Variants in RABGAP1L observed in about 807,000 individuals in gnomAD.
RABGAP1L encodes rab GTPase-activating protein 1-like.
RABGAP1L carries 63 observed loss-of-function variants against 137.7 expected under a neutral mutation model. The observed-to-expected ratio is 0.46, with a 90% confidence interval of 0.37 to 0.56. RABGAP1L has a LOEUF of 0.56. Among genes scored for constraint, RABGAP1L ranks in the 20% least tolerant of loss-of-function variants. The pLI is 0.00. For synonymous variants in RABGAP1L, 431 were observed against 433.7 expected, an observed-to-expected ratio of 0.99 and a Z score of 0.08; for missense variants, 1,095 against 1,244.0, an observed-to-expected ratio of 0.88 and a Z score of 1.80.
rs755558389 is a variant in RABGAP1L at position 174,946,940 on chromosome 1, A to ATGTG, written c.2341-10479_2341-10476dup. On this transcript the variant is annotated intron_variant, in intron 19 of 25. Coordinates refer to ENST00000681986, the MANE Select transcript of RABGAP1L (RefSeq NM_001366446.1). ...AAAATATATATATATATATATATAT[A>ATGTG]TGTGTGTGTGTGTGTGTGTGTGTGT... 3.2e-3 allele frequency among the ~76,000 whole-genome samples: 197 copies of ATGTG among 60,940 alleles called. 1 individual carries two copies. Among genetic ancestry groups the ATGTG allele is most frequent in the East Asian group, 9.1e-3 (12 of 1,314 alleles). The allele number at this position is 60,940 out of a possible 152,430, so 40.0% of individuals were successfully genotyped here.
At chr1:174,905,305 T>A (rs11802711) in intron 19 of RABGAP1L, among the ~76,000 whole-genome samples, 3,823 of 152,016 alleles carry the variant, frequency 0.025, 148 homozygotes, top group African/African-American at 0.086. Context: ...AAGTGATGAT[T>A]TGTAAGATCT....
intron 13 of RABGAP1L, among the ~76,000 whole-genome samples, chr1:174,624,528 A>G (rs1352953416): frequency 6.6e-6 from 1 of 152,216 alleles, no homozygotes; most frequent in East Asian, 1.9e-4. Context: ...AAGTTTTCAT[A>G]TAGACTTGCA....
chr1:174,401,994 A>G (rs892388855), intron 13 of RABGAP1L, among the ~76,000 whole-genome samples: 1 of 152,164 alleles, frequency 6.6e-6, no homozygotes, highest in Non-Finnish European at 1.5e-5. Context: ...TAGACTCTAC[A>G]GTCTAAGTGA....
In RABGAP1L at chr1:174,683,497, T is replaced by G. The variant is rs1454882678; in HGVS notation, c.1825-25T>G. ...TAAAATCTGTGACTATTTACGATAT[T>G]TCTTTCTTTTCATCTTTTCTCTAGG... On this transcript the variant is annotated intron_variant, in intron 14 of 25. Coordinates refer to ENST00000681986, the MANE Select transcript of RABGAP1L (RefSeq NM_001366446.1). 1.9e-6 allele frequency: 3 copies of G among 1,540,380 alleles called. No homozygotes were observed. In the Admixed American group the frequency reaches 5.1e-5, roughly 26 times the overall value.
At chr1:174,420,964 C>T (rs1052679644) in intron 13 of RABGAP1L, among the ~76,000 whole-genome samples, 31 of 152,172 alleles carry the variant, frequency 2.0e-4, no homozygotes, top group African/African-American at 6.3e-4. Flanking sequence ...TGTGAGCCAC[C>T]GCGCCTGGCT....
chr1:174,867,133 A>T (rs1297683779), intron 19 of RABGAP1L, among the ~76,000 whole-genome samples: 1 of 152,110 alleles, frequency 6.6e-6, no homozygotes, highest in East Asian at 1.9e-4. Context: ...CTGTAATCCC[A>T]GCATGTTGGG....
intron 1 of RABGAP1L, among the ~76,000 whole-genome samples, chr1:174,160,434 T>C (rs1664347553): frequency 1.3e-5 from 2 of 152,136 alleles, no homozygotes; most frequent in Non-Finnish European, 2.9e-5. Context: ...GCCGGGTGCA[T>C]GGGAGCTGAA....
chr1:174,828,885 TTTAA>T (rs1691842715), intron 19 of RABGAP1L, among the ~76,000 whole-genome samples: 1 of 148,362 alleles, frequency 6.7e-6, no homozygotes, highest in African/African-American at 2.5e-5. Context: ...GCCTTTTCCA[TTTAA>T]TTAGTAGCTG....
intron 11 of RABGAP1L, among the ~76,000 whole-genome samples, chr1:174,313,277 C>T (rs1679038224): frequency 6.6e-6 from 1 of 152,162 alleles, no homozygotes; most frequent in East Asian, 1.9e-4. Context: ...TGACAATTGG[C>T]ATATGTAAAT....
Position 174,663,269 on chromosome 1 carries a change from C to T in RABGAP1L, c.1825-20253C>T, listed in dbSNP as rs188953825. The stretch of plus-strand genomic sequence containing the variant: ...CTTTCATACCACATTTTTACTGTAC[C>T]GTTTCTATGTTTAGACACTCAAATA... On this transcript the variant is annotated intron_variant, in intron 14 of 25. Transcript: ENST00000681986. Among the ~76,000 whole-genome samples, 6 of 152,180 alleles carry T rather than the reference C, an allele frequency of 3.9e-5. No homozygotes were observed. In the East Asian group the frequency reaches 7.7e-4, roughly 20 times the overall value.
At chr1:174,627,931 A>G (rs1673041428) in intron 13 of RABGAP1L, among the ~76,000 whole-genome samples, 1 of 152,152 alleles carries the variant, frequency 6.6e-6, no homozygotes. Flanking sequence ...TATACTTGTG[A>G]TAGTGGTTTT....
intron 10 of RABGAP1L, among the ~76,000 whole-genome samples, chr1:174,282,144 A>G (rs527643262): frequency 1.3e-5 from 2 of 152,220 alleles, no homozygotes; most frequent in East Asian, 3.9e-4. Flanking sequence ...GTGGACATAG[A>G]TTTTCATTTC....
chr1:174,782,009 A>G (rs1687050850), intron 18 of RABGAP1L, among the ~76,000 whole-genome samples: 1 of 152,182 alleles, frequency 6.6e-6, no homozygotes, highest in Admixed American at 6.5e-5. Flanking sequence ...TGATGCCTCC[A>G]GCTTTGTTCT....
chr1:174,507,273 A>G (rs1661909124), intron 13 of RABGAP1L, among the ~76,000 whole-genome samples: 2 of 152,202 alleles, frequency 1.3e-5, no homozygotes, highest in Non-Finnish European at 2.9e-5. Flanking sequence ...GCTTTAATAC[A>G]ATTTTTAAAA....
At chr1:174,580,069 T>C (rs1668624925) in intron 13 of RABGAP1L, among the ~76,000 whole-genome samples, 1 of 152,226 alleles carries the variant, frequency 6.6e-6, no homozygotes, top group East Asian at 1.9e-4. Flanking sequence ...GCCATGACTT[T>C]GTATTTAATA....
At chr1:174,925,976 G>A (rs572530671) in intron 19 of RABGAP1L, among the ~76,000 whole-genome samples, 6 of 143,322 alleles carry the variant, frequency 4.2e-5, no homozygotes, top group Admixed American at 3.7e-4. Context: ...TGATTCTCAT[G>A]CCTCAGCCTC....
intron 1 of RABGAP1L, among the ~76,000 whole-genome samples, chr1:174,199,707 C>T (rs183836310): frequency 1.3e-5 from 2 of 152,252 alleles, no homozygotes; most frequent in African/African-American, 2.4e-5. Context: ...ATATCTCTAA[C>T]GGTCTTTTGA....
chr1:174,338,541 GT>G (rs74513028), intron 11 of RABGAP1L, among the ~76,000 whole-genome samples: 75 of 139,110 alleles, frequency 5.4e-4, no homozygotes, highest in African/African-American at 5.5e-4. Flanking sequence ...GAAATGTAGT[GT>G]TTTTTTTTTT....
At chr1:174,772,178 A>C (rs1046031415) in intron 18 of RABGAP1L, among the ~76,000 whole-genome samples, 5 of 152,088 alleles carry the variant, frequency 3.3e-5, no homozygotes, top group Admixed American at 6.6e-5. Context: ...AGCCTGGACG[A>C]CAGAGTCAGA....
Sources: gnomAD v4.1 joint callset for allele counts (sites outside exome capture counted in the v4.1 genomes callset) on GRCh38, gnomAD v4.1.1 for gene constraint, MANE v1.5 for transcripts, NCBI Gene and HGNC (gene_info 2026-07-23, HGNC 2026-07-21) for gene names.